CPT1A: variants seen among roughly 807,000 people sequenced by gnomAD.
CPT1A encodes the protein carnitine O-palmitoyltransferase 1, liver isoform.
In CPT1A, 64 loss-of-function variants were observed where a neutral mutation model predicts 100.8. That is an observed-to-expected ratio of 0.63 (90% CI 0.52 to 0.78). The LOEUF (loss-of-function observed/expected upper bound fraction) is 0.78, where lower values mean the gene tolerates loss of function less well. CPT1A is among the 30% of genes least tolerant of loss of function. CPT1A has a pLI of 0.00. For synonymous variants in CPT1A, 363 were observed against 396.0 expected (o/e 0.92, Z 0.99); for missense variants, 802 against 1,034.1 (o/e 0.78, Z 3.08).
At chr11:68,843,132 C>G (rs1041309223), upstream of CPT1A, among the ~76,000 whole-genome samples, 1 of 152,116 alleles carries the variant, frequency 6.6e-6, no homozygotes, top group African/African-American at 2.4e-5. The surrounding 1 kb of genome is among the most constrained non-coding windows in gnomAD (Gnocchi z 4.0). Context: ...CCGCCCCCCA[C>G]CACCGCTGCA....
chr11:68,759,813 A>C, intron 17 of CPT1A, 152 bp from the exon 18 acceptor site: 1 of 703,256 alleles, frequency 1.4e-6, no homozygotes, highest in Non-Finnish European at 2.6e-6. Context: ...GGGTCACTTG[A>C]GCCCAGGGGT....
intron 1 of CPT1A, among the ~76,000 whole-genome samples, chr11:68,824,581 TAA>T (rs1856673054): frequency 6.6e-6 from 1 of 152,204 alleles, no homozygotes; most frequent in Non-Finnish European, 1.5e-5. Flanking sequence ...TTATGTTTTT[TAA>T]GAGACAGAGT....
chr11:68,837,424 G>A (rs113337080), intron 1 of CPT1A, among the ~76,000 whole-genome samples: 28 of 152,306 alleles, frequency 1.8e-4, no homozygotes, highest in African/African-American at 6.3e-4. Context: ...GATGACCACA[G>A]GACCCCCTGA....
chr11:68,759,452 C>T, intron 18 of CPT1A, 117 bp downstream of exon 18: 1 of 756,872 alleles, frequency 1.3e-6, no homozygotes, highest in East Asian at 2.7e-5. Flanking sequence ...TTCCCGAAAT[C>T]AAGTAAAAGC....
At chr11:68,775,235 C>A in intron 13 of CPT1A, 81 bp downstream of exon 13, 1 of 1,193,114 alleles carries the variant, frequency 8.4e-7, no homozygotes, top group East Asian at 2.3e-5. Flanking sequence ...GCAGGAACTA[C>A]GGTTGGAAAA....
At chr11:68,778,336 G>A (rs1324770356) in intron 12 of CPT1A, among the ~76,000 whole-genome samples, 1 of 152,168 alleles carries the variant, frequency 6.6e-6, no homozygotes, top group Non-Finnish European at 1.5e-5. Context: ...AGGGGGAAAA[G>A]CCTTCCAGGC....
chr11:68,773,240 A>G (rs1168326340), intron 14 of CPT1A, 25 bp downstream of exon 14: 5 of 1,613,102 alleles, frequency 3.1e-6, no homozygotes, highest in African/African-American at 1.3e-5. Context: ...TGCTCACGAC[A>G]AAACCCTAGG....
intron 12 of CPT1A, among the ~76,000 whole-genome samples, chr11:68,776,606 C>T (rs2153997236): frequency 6.6e-6 from 1 of 152,272 alleles, no homozygotes; most frequent in South Asian, 2.1e-4. Flanking sequence ...AGGCTGGGCT[C>T]TGTGACTCAC....
chr11:68,762,420 G>A (rs564483301), intron 15 of CPT1A, among the ~76,000 whole-genome samples: 11 of 152,168 alleles, frequency 7.2e-5, no homozygotes, highest in South Asian at 2.1e-4. Context: ...TGTAACATGC[G>A]TCTCTGTCCT....
At chr11:68,754,625 T>C, downstream of CPT1A, 1 of 596,072 alleles carries the variant, frequency 1.7e-6, no homozygotes, top group Non-Finnish European at 3.1e-6. Flanking sequence ...ATGCATTACT[T>C]TTAACATATT....
At chr11:68,840,836 G>A (rs1320254588) in intron 1 of CPT1A, among the ~76,000 whole-genome samples, 3 of 152,216 alleles carry the variant, frequency 2.0e-5, no homozygotes, top group Non-Finnish European at 4.4e-5. Flanking sequence ...CGCACCGTCG[G>A]GCTCGCAGGC....
intron 12 of CPT1A, among the ~76,000 whole-genome samples, chr11:68,780,121 T>C (rs969437792): frequency 2.6e-5 from 4 of 152,152 alleles, no homozygotes; most frequent in African/African-American, 9.7e-5. Context: ...TGGCAGGAGA[T>C]GCACTGCTGT....
intron 14 of CPT1A, among the ~76,000 whole-genome samples, chr11:68,765,123 T>C (rs551828503): frequency 6.6e-6 from 1 of 152,324 alleles, no homozygotes; most frequent in Admixed American, 6.5e-5. Context: ...ACAGAGCACT[T>C]CATAGGCGCT....
rs547134857 is a variant in CPT1A, at chr11:68,760,488, A to G, written c.2029-150T>C. 23 of 611,512 alleles carry G rather than the reference A, an allele frequency of 3.8e-5. No individual in the cohort carries two copies. The East Asian group carries it at 8.9e-4, about 24-fold the overall frequency. The allele number at this position is 611,512 out of a possible 1,614,324, so 37.9% of individuals were successfully genotyped here. ...CTCCAAAGGCCTCACTGGCTTGGGCAGCGTATCTGCAGAGAGCATGCGGGG... is the reference window on the plus strand; with the variant it reads ...CTCCAAAGGCCTCACTGGCTTGGGCGGCGTATCTGCAGAGAGCATGCGGGG... On this transcript the variant is annotated intron_variant, in intron 16 of 18. Transcript: ENST00000265641.
intron 1 of CPT1A, among the ~76,000 whole-genome samples, chr11:68,834,153 TGG>T (rs1333494642): frequency 6.6e-6 from 1 of 152,222 alleles, no homozygotes; most frequent in Non-Finnish European, 1.5e-5. Flanking sequence ...AAAGGAATTC[TGG>T]GCTGGGCACG....
At position 68,783,278 on chromosome 11, in the gene CPT1A, G is replaced by A. The variant is rs150207032; in HGVS notation, c.1164-1319C>T. ...CACATTAACCTACTCATGCACCCCC[G>A]GCCCCACCCCACCCTACACCACCTG... On this transcript the variant is annotated intron_variant, in intron 10 of 18. Transcript: ENST00000265641. 8.9e-3 allele frequency among the ~76,000 whole-genome samples: 1,261 copies of A among 140,976 alleles called. 21 individuals are homozygous for A. The highest frequency in any genetic ancestry group is 0.031 in the African/African-American group (1,217 of 38,834). The allele number at this position is 140,976 out of a possible 152,430, so 92.5% of individuals were successfully genotyped here.
In CPT1A at chr11:68,781,896, A is replaced by G. The variant is rs1185206458; in HGVS notation, c.1227T>C (p.Asp409=). ...FGRGKNKQSL[D]AVEKAAFFVT... ...CAAAGAACGCTGCTTTCTCCACAGC[A>G]TCAAGAGACTGCTTATTTTTCCCAC... Residue 409 remains aspartate, a synonymous_variant, in exon 11 of 19, where the codon GAT becomes GAC. Transcript: ENST00000265641. The G allele has an allele frequency of 4.3e-6, 7 of 1,614,216 alleles. No individual in the cohort carries two copies. The South Asian group carries it at 6.6e-5, about 15-fold the overall frequency.
At chr11:68,803,583 T>A (rs1447634727) in intron 5 of CPT1A, among the ~76,000 whole-genome samples, 1 of 151,764 alleles carries the variant, frequency 6.6e-6, no homozygotes, top group African/African-American at 2.4e-5. Flanking sequence ...TGGTGGCAGG[T>A]GCCTGTAATC....
chr11:68,822,477 G>A (rs1376192941), intron 1 of CPT1A, among the ~76,000 whole-genome samples: 1 of 151,900 alleles, frequency 6.6e-6, no homozygotes, highest in African/African-American at 2.4e-5. Context: ...AGGCTGCAAT[G>A]AGCTGTGATT....
Sources: gnomAD v4.1 joint callset for allele counts (sites outside exome capture counted in the v4.1 genomes callset) on GRCh38, gnomAD v4.1.1 for gene constraint, Gnocchi (gnomAD v3.1) non-coding constraint, MANE v1.5 for transcripts, NCBI Gene and HGNC (gene_info 2026-07-23, HGNC 2026-07-21) for gene names.